Variants in TFAP2E observed in about 807,000 individuals in gnomAD.
TFAP2E encodes the protein transcription factor AP-2-epsilon.
TFAP2E carries 30 observed loss-of-function variants against 37.9 expected under a neutral mutation model. The observed-to-expected ratio is 0.79, with a 90% CI of 0.59 to 1.07. The LOEUF is 1.07. TFAP2E is among the 50% of genes least tolerant of loss of function. TFAP2E has a pLI of 0.00. For synonymous variants in TFAP2E, 318 were observed against 295.8 expected, an observed-to-expected ratio of 1.08 and a Z score of -0.77; for missense variants, 567 against 637.9, an observed-to-expected ratio of 0.89 and a Z score of 1.20.
intron 3 of TFAP2E, among the ~76,000 whole-genome samples, chr1:35,585,360 T>C (rs1459783504): frequency 6.6e-6 from 1 of 152,200 alleles, no homozygotes; most frequent in Non-Finnish European, 1.5e-5. Context: ...CCAGGAGCTT[T>C]GTGTCTTGCT....
chr1:35,589,188 CTGTGTGTGTGTGTGTG>C (rs757213879), intron 4 of TFAP2E, among the ~76,000 whole-genome samples: 34 of 126,026 alleles, frequency 2.7e-4, no homozygotes, highest in African/African-American at 6.8e-4. Flanking sequence ...GTGTCCTGCT[CTGTGTGTGTGTGTGTG>C]TGTGTGTGTG....
At chr1:35,583,802 G>A (rs1649414019) in intron 3 of TFAP2E, among the ~76,000 whole-genome samples, 1 of 152,112 alleles carries the variant, frequency 6.6e-6, no homozygotes, top group Admixed American at 6.5e-5. Context: ...CTGCCCTTCT[G>A]TGACCGACCT....
rs768908023 is a variant in TFAP2E, at chr1:35,574,162, C to T, written c.263C>T (p.Ala88Val). Residue 88 changes from alanine (A) to valine (V), a missense_variant, in exon 2 of 7, where the codon GCG (alanine) becomes GTG (valine). Physicochemically the swap from Ala to Val is moderately conservative, Grantham distance 64. This residue lies in a region of TFAP2E where 312 missense variants were observed against 317.4 expected (regional missense o/e 0.98). Coordinates refer to ENST00000373235, the MANE Select transcript of TFAP2E (RefSeq NM_178548.4). Reference protein sequence around the residue: ...HLAGDPYGGLAPLAQPQPPQA... With the variant: ...HLAGDPYGGLVPLAQPQPPQA... Reference sequence around the variant, plus strand: ...GCAGGGGACCCATATGGCGGCCTGGCGCCCCTGGCGCAGCCGCAGCCTCCT... The same window carrying T: ...GCAGGGGACCCATATGGCGGCCTGGTGCCCCTGGCGCAGCCGCAGCCTCCT... 151 of 1,423,460 alleles carry T rather than the reference C, an allele frequency of 1.1e-4. No individual in the cohort carries two copies. The highest frequency in any genetic ancestry group is 1.4e-4 in the Non-Finnish European group (149 of 1,088,656). 88.2% of individuals were successfully genotyped at this position (1,423,460 alleles called of 1,614,324 possible).
At position 35,573,843 on chromosome 1, in the gene TFAP2E, C is replaced by T. The variant is rs576945027; in HGVS notation, c.28-84C>T. The T allele has an allele frequency of 1.2e-5, 17 of 1,389,486 alleles. No homozygotes were observed. The South Asian group carries it at 2.7e-4, about 22-fold the overall frequency. 86.1% of individuals were successfully genotyped at this position (1,389,486 alleles called of 1,614,324 possible). On this transcript the variant is annotated intron_variant, in intron 1 of 6. Coordinates refer to ENST00000373235, the MANE Select transcript of TFAP2E (RefSeq NM_178548.4). The surrounding 1 kb of genome is among the most constrained non-coding windows in gnomAD (Gnocchi z 5.9). ...GAAACGGGAGGGACTGCAGCTGAAC[C>T]CTCCCGAGCTGAGGAGGATCCTTTC...
chr1:35,587,874 C>A (rs1649529657), intron 3 of TFAP2E, among the ~76,000 whole-genome samples: 1 of 152,012 alleles, frequency 6.6e-6, no homozygotes, highest in Non-Finnish European at 1.5e-5. Flanking sequence ...AGTCTCCAGG[C>A]CCCTCACCGA....
chr1:35,594,768 A>G lies in TFAP2E; in HGVS notation c.*92A>G, dbSNP rs931659100. 2 of 1,562,496 alleles carry G rather than the reference A, an allele frequency of 1.3e-6. No individual in the cohort carries two copies. Among genetic ancestry groups the G allele is most frequent in the African/African-American group, 2.7e-5 (2 of 72,876 alleles). ...GGGCCTGGAAGGACTGAAAGGTGGG[A>G]TTAGAGTCAGGCCAGAAAGAGAACA... is the stretch of plus-strand genomic sequence containing the variant. On this transcript the variant is annotated 3_prime_UTR_variant, in exon 7 of 7. Transcript: ENST00000373235.
chr1:35,587,636 CAAAAA>C (rs553131997), intron 3 of TFAP2E, among the ~76,000 whole-genome samples: 3 of 51,358 alleles, frequency 5.8e-5, no homozygotes, highest in Non-Finnish European at 1.3e-4. Flanking sequence ...GACTCCATCT[CAAAAA>C]AAAAAAAAAA....
Position 35,577,369 on chromosome 1 carries a change from G to C in TFAP2E, c.562+2369G>C. 2.2e-6 allele frequency: 1 copy of C among 456,828 alleles called. No homozygotes were observed. Among genetic ancestry groups the C allele is most frequent in the South Asian group, 1.5e-5 (1 of 64,576 alleles). The allele number at this position is 456,828 out of a possible 1,614,324, so 28.3% of individuals were successfully genotyped here. A position where few individuals can be genotyped will look rare whatever the true frequency, so the allele number is the denominator to read the frequency against. The stretch of plus-strand genomic sequence containing the variant: ...GGGATTCGGCGTTGCCGCCAGCCCA[G>C]TGGGGAGTGAATTAGCGCCCTCCTT... On this transcript the variant is annotated intron_variant, in intron 3 of 6. Coordinates refer to ENST00000373235, the MANE Select transcript of TFAP2E (RefSeq NM_178548.4). The surrounding 1 kb of genome is among the most constrained non-coding windows in gnomAD (Gnocchi z 6.3).
rs769697441 is a variant in TFAP2E, at chr1:35,590,048, GGTGA to G, written c.904+6_904+9del. 1 of 1,613,840 alleles carries G rather than the reference GGTGA, an allele frequency of 6.2e-7. No individual in the cohort carries two copies. The highest frequency in any genetic ancestry group is 1.7e-5 in the Admixed American group (1 of 60,022). On this transcript the variant is annotated splice_donor_variant and splice_donor_region_variant and intron_variant, in intron 5 of 6. Transcript: ENST00000373235. LOFTEE classifies it high-confidence loss of function. This position sits in a 1 kb window ranked among gnomAD's most constrained non-coding sequence, Gnocchi z 6.2. ...GACGCTGCTGACTTCGCTAGTGGAA[GGTGA>G]GTGAGGCCTGAAGGTGGGCATGGGA...
intron 3 of TFAP2E, among the ~76,000 whole-genome samples, chr1:35,584,515 T>C (rs1485474019): frequency 2.0e-5 from 3 of 152,050 alleles, no homozygotes; most frequent in East Asian, 3.9e-4. Context: ...ACTTTGCCCT[T>C]CTTTTTATTT....
At chr1:35,591,205 A>T (rs540899824) in intron 6 of TFAP2E, among the ~76,000 whole-genome samples, 1 of 152,024 alleles carries the variant, frequency 6.6e-6, no homozygotes, top group African/African-American at 2.4e-5. Flanking sequence ...ATACATGAAC[A>T]CTCTTCACAA....
intron 3 of TFAP2E, among the ~76,000 whole-genome samples, chr1:35,580,245 G>A (rs565010592): frequency 2.6e-5 from 4 of 152,218 alleles, no homozygotes; most frequent in Admixed American, 1.3e-4. Flanking sequence ...TCTGGCAGTT[G>A]ATGAGAAGGA....
intron 3 of TFAP2E, 81 bp downstream of exon 3, chr1:35,575,081 T>A: frequency 1.4e-6 from 2 of 1,463,368 alleles, no homozygotes; most frequent in Non-Finnish European, 1.9e-6. Flanking sequence ...TCACCGGCCG[T>A]GCCTCCTGTG....
chr1:35,589,235 T>TGA (rs1553122072), intron 4 of TFAP2E, among the ~76,000 whole-genome samples: 12 of 137,610 alleles, frequency 8.7e-5, no homozygotes, highest in Non-Finnish European at 1.7e-4. Flanking sequence ...TGTGTGTGTG[T>TGA]GATTGCCTGT....
chr1:35,592,837 C>T (rs1317213551), intron 6 of TFAP2E, among the ~76,000 whole-genome samples: 1 of 152,188 alleles, frequency 6.6e-6, no homozygotes, highest in Non-Finnish European at 1.5e-5. Context: ...GAAGGGGTTA[C>T]TCTCTGGCTT....
intron 6 of TFAP2E, among the ~76,000 whole-genome samples, chr1:35,594,091 C>T (rs2148555630): frequency 6.6e-6 from 1 of 152,198 alleles, no homozygotes; most frequent in East Asian, 1.9e-4. Context: ...AGGAAAGTTT[C>T]CTATATAAGG....
chr1:35,573,510 C>A lies in TFAP2E; in HGVS notation c.-68C>A, dbSNP rs1557430814. The A allele has an allele frequency of 1.4e-6, 2 of 1,442,180 alleles. No homozygotes were observed. Among genetic ancestry groups the A allele is most frequent in the Non-Finnish European group, 1.8e-6 (2 of 1,100,880 alleles). The allele number at this position is 1,442,180 out of a possible 1,614,324, so 89.3% of individuals were successfully genotyped here. On this transcript the variant is annotated 5_prime_UTR_variant, in exon 1 of 7. Coordinates refer to ENST00000373235, the MANE Select transcript of TFAP2E (RefSeq NM_178548.4). This position sits in a 1 kb window ranked among gnomAD's most constrained non-coding sequence, Gnocchi z 5.9. ...GCTGTGCCGGCTCCCGGCGCCTCTG[C>A]CCGCAGCGCTCGCCGTCGGGCTAGG...
intron 3 of TFAP2E, among the ~76,000 whole-genome samples, chr1:35,581,626 G>C (rs1649351746): frequency 6.6e-6 from 1 of 150,960 alleles, no homozygotes; most frequent in Non-Finnish European, 1.5e-5. Context: ...AGGCTGGAGT[G>C]CAATGAGGTG....
chr1:35,575,104 G>A lies in TFAP2E; in HGVS notation c.562+104G>A, dbSNP rs1649132636. On this transcript the variant is annotated intron_variant, in intron 3 of 6. Coordinates refer to ENST00000373235, the MANE Select transcript of TFAP2E (RefSeq NM_178548.4). Reference sequence around the variant, plus strand: ...CGTGCCTCCTGTGTGTCGCCAGGCTGGGTGTCCACCAGGCACTCTTCCTGG... The same window carrying A: ...CGTGCCTCCTGTGTGTCGCCAGGCTAGGTGTCCACCAGGCACTCTTCCTGG... 8 of 1,456,456 alleles carry A rather than the reference G, an allele frequency of 5.5e-6. No individual in the cohort carries two copies. The Admixed American group carries it at 1.0e-4, about 19-fold the overall frequency. 90.2% of individuals were successfully genotyped at this position (1,456,456 alleles called of 1,614,324 possible).
Sources: gnomAD v4.1 joint callset for allele counts (sites outside exome capture counted in the v4.1 genomes callset) on GRCh38, gnomAD v4.1.1 for gene constraint, gnomAD v4.1.1 regional missense constraint, Gnocchi (gnomAD v3.1) non-coding constraint, MANE v1.5 for transcripts, NCBI Gene and HGNC (gene_info 2026-07-23, HGNC 2026-07-21) for gene names.